The following NAT1 variants were observed in gnomAD, a reference collection of about 807,000 sequenced individuals.
NAT1 encodes the protein arylamine N-acetyltransferase 1.
For missense variants in NAT1, 400 were observed against 339.2 expected (o/e 1.18, Z -1.41); for synonymous variants, 144 against 122.6 (o/e 1.17, Z -1.16).
At chr8:18,177,524 T>C (rs982643454) in intron 2 of NAT1, among the ~76,000 whole-genome samples, 2 of 152,252 alleles carry the variant, frequency 1.3e-5, no homozygotes, top group South Asian at 2.1e-4. Flanking sequence ...TCACTGTCAT[T>C]ACCCATAAAT....
At chr8:18,194,465 A>G (rs1479386843) in intron 2 of NAT1, among the ~76,000 whole-genome samples, 1 of 152,136 alleles carries the variant, frequency 6.6e-6, no homozygotes, top group Non-Finnish European at 1.5e-5. Context: ...GAGGTCTGTT[A>G]TCTCCATATA....
exon 3 of NAT1, chr8:18,223,686 CCCA>C (rs1180286181): frequency 3.8e-5 from 6 of 159,848 alleles, no homozygotes; most frequent in Middle Eastern, 3.4e-3. Flanking sequence ...TGCTTGCCCC[CCCA>C]CCCCTGTCAT....
At chr8:18,205,760 C>T (rs1330559987), upstream of NAT1, among the ~76,000 whole-genome samples, 1 of 152,176 alleles carries the variant, frequency 6.6e-6, no homozygotes, top group African/African-American at 2.4e-5. Flanking sequence ...GGCATGGGGG[C>T]CGCCATGCTA....
At chr8:18,197,069 C>T (rs1334114492) in intron 2 of NAT1, among the ~76,000 whole-genome samples, 1 of 152,130 alleles carries the variant, frequency 6.6e-6, no homozygotes, top group Non-Finnish European at 1.5e-5. Context: ...AGGCACCTTT[C>T]ACCCGATGGT....
At chr8:18,203,210 G>A (rs571792769) in intron 2 of NAT1, among the ~76,000 whole-genome samples, 1 of 152,166 alleles carries the variant, frequency 6.6e-6, no homozygotes, top group Non-Finnish European at 1.5e-5. Context: ...ATATATGAAA[G>A]AGCTCTAATT....
intron 2 of NAT1, among the ~76,000 whole-genome samples, chr8:18,200,451 A>G (rs142317552): frequency 3.9e-4 from 60 of 152,248 alleles, no homozygotes; most frequent in African/African-American, 1.4e-3. Context: ...ACATAATACC[A>G]CATGTTCTCA....
intron 2 of NAT1, among the ~76,000 whole-genome samples, chr8:18,181,916 G>C (rs1008806798): frequency 1.3e-5 from 2 of 152,120 alleles, no homozygotes; most frequent in South Asian, 2.1e-4. Context: ...TCCCTCTCTA[G>C]GTTTGGAATC....
chr8:18,175,252 G>T (rs898178949), intron 2 of NAT1, among the ~76,000 whole-genome samples: 2 of 151,752 alleles, frequency 1.3e-5, no homozygotes, highest in African/African-American at 4.8e-5. Flanking sequence ...TAGCAATTAT[G>T]AAATATACAT....
intron 2 of NAT1, among the ~76,000 whole-genome samples, chr8:18,171,385 C>T (rs1802092941): frequency 1.9e-5 from 1 of 52,010 alleles, no homozygotes; most frequent in East Asian, 8.1e-4. Context: ...CAAATTGCCT[C>T]CTTAAAAGAT....
intron 1 of NAT1, among the ~76,000 whole-genome samples, chr8:18,217,581 C>T (rs1804811124): frequency 6.6e-6 from 1 of 152,108 alleles, no homozygotes; most frequent in Non-Finnish European, 1.5e-5. Flanking sequence ...CATGACAGCC[C>T]ACATATATTG....
chr8:18,174,552 C>T (rs1207665040), intron 2 of NAT1, among the ~76,000 whole-genome samples: 1 of 152,090 alleles, frequency 6.6e-6, no homozygotes, highest in Non-Finnish European at 1.5e-5. Context: ...AAAAGTATTA[C>T]ATTTTCTCCA....
Position 18,222,153 on chromosome 8 carries a change from C to T in NAT1, c.106C>T (p.Pro36Ser). 6.2e-7 allele frequency: 1 copy of T among 1,614,120 alleles called. No homozygotes were observed. Among genetic ancestry groups the T allele is most frequent in the Non-Finnish European group, 8.5e-7 (1 of 1,180,004 alleles). The part of the protein sequence containing the change: ...DILQHQIRAV[P>S]FENLNIHCGD... ...TCTTCAACACCAGATCCGAGCTGTT[C>T]CCTTTGAGAACCTTAACATCCATTG... The change falls in exon 3 of 3, where the codon CCC becomes TCC. Residue 36 changes from proline (P) to serine (S), a missense_variant. Transcript: ENST00000307719.
At chr8:18,194,596 G>C (rs574739312) in intron 2 of NAT1, among the ~76,000 whole-genome samples, 3 of 152,174 alleles carry the variant, frequency 2.0e-5, no homozygotes, top group African/African-American at 7.2e-5. Flanking sequence ...TGAGGCAGGT[G>C]ATCACTTGAG....
rs574170756 is a variant in NAT1 at position 18,216,955 on chromosome 8, A to C, written c.-85-2456A>C. ...GAGCCACAGGGTCCAGCTGTTGGCTATAATAGCCTACCGGTCTCTGATGAT... is the reference window on the plus strand; with the variant it reads ...GAGCCACAGGGTCCAGCTGTTGGCTCTAATAGCCTACCGGTCTCTGATGAT... On this transcript the variant is annotated intron_variant, in intron 1 of 2. Coordinates refer to ENST00000307719, the MANE Select transcript of NAT1 (RefSeq NM_000662.8). The C allele has an allele frequency of 6.4e-6, 10 of 1,551,306 alleles. No homozygotes were observed. In the African/African-American group the frequency reaches 1.2e-4, roughly 19 times the overall value.
Position 18,222,815 on chromosome 8 carries a change from G to T in NAT1, c.768G>T (p.Lys256Asn). The change falls in exon 3 of 3, where the codon AAG becomes AAT. Residue 256 changes from lysine (K) to asparagine (N), a missense_variant. Lys to Asn is a moderately conservative substitution (Grantham distance 94, BLOSUM62 0). Coordinates refer to ENST00000307719, the MANE Select transcript of NAT1 (RefSeq NM_000662.8). Reference protein sequence around the residue: ...YKDNTDLIEFKTLSEEEIEKV... With the variant: ...YKDNTDLIEFNTLSEEEIEKV... ...ACAATACAGATCTAATAGAGTTCAA[G>T]ACTCTGAGTGAGGAAGAAATAGAAA... is the stretch of plus-strand genomic sequence containing the variant. 6.2e-7 allele frequency: 1 copy of T among 1,609,182 alleles called. No homozygotes were observed. The highest frequency in any genetic ancestry group is 8.5e-7 in the Non-Finnish European group (1 of 1,178,426).
chr8:18,199,317 CAAA>C (rs373393013), intron 2 of NAT1, among the ~76,000 whole-genome samples: 22 of 87,456 alleles, frequency 2.5e-4, no homozygotes, highest in Admixed American at 4.0e-4. Context: ...GACTCTGTCT[CAAA>C]AAAAAAAAAA....
At chr8:18,173,146 GCACA>G (rs3038965) in intron 2 of NAT1, among the ~76,000 whole-genome samples, 4,829 of 146,552 alleles carry the variant, frequency 0.033, 205 homozygotes, top group African/African-American at 0.1. Context: ...ACACAGAGAT[GCACA>G]CACACACACA....
intron 2 of NAT1, among the ~76,000 whole-genome samples, chr8:18,170,929 G>C (rs934234194): frequency 8.7e-5 from 13 of 149,956 alleles, no homozygotes; most frequent in African/African-American, 3.2e-4. Context: ...CTGTTTTACT[G>C]AATTGGATTT....
intron 2 of NAT1, among the ~76,000 whole-genome samples, chr8:18,173,495 A>G (rs7846216): frequency 6.6e-6 from 1 of 152,106 alleles, no homozygotes; most frequent in Non-Finnish European, 1.5e-5. Flanking sequence ...ACCTACATTC[A>G]GCCCCAGAGC....
Sources: allele counts gnomAD v4.1 joint callset (sites outside exome capture counted in the v4.1 genomes callset), GRCh38; gene constraint gnomAD v4.1.1; transcripts MANE v1.5; gene names NCBI Gene and HGNC (gene_info 2026-07-23, HGNC 2026-07-21).